The following ZNF385B variants were observed in gnomAD, a reference collection of about 807,000 sequenced individuals.
ZNF385B encodes the protein zinc finger protein 533.
A neutral mutation model predicts 39.2 loss-of-function variants in ZNF385B; 23 were observed. The ratio of observed to expected loss-of-function variants is 0.59; its 90% confidence interval spans 0.42 to 0.83. ZNF385B has a LOEUF of 0.83. Ranked by LOEUF, ZNF385B falls within the 40% of genes least tolerant of loss-of-function variation. The probability of loss-of-function intolerance (pLI) is 0.00; values close to 1 mark genes in which losing one functional copy is unlikely to be tolerated. For synonymous variants in ZNF385B, 205 were observed against 222.6 expected (o/e 0.92, Z 0.70); for missense variants, 552 against 598.9 (o/e 0.92, Z 0.82).
chr2:179,746,267 G>T (rs930087465), intron 3 of ZNF385B, among the ~76,000 whole-genome samples: 2 of 152,148 alleles, frequency 1.3e-5, no homozygotes, highest in Non-Finnish European at 2.9e-5. Flanking sequence ...CAATGAGCAG[G>T]ATACAGGGAA....
intron 1 of ZNF385B, among the ~76,000 whole-genome samples, chr2:179,836,814 G>T (rs1023864203): frequency 6.6e-6 from 1 of 152,120 alleles, no homozygotes; most frequent in East Asian, 1.9e-4. Context: ...CACCGCGCAC[G>T]GCCTTGTGTT....
intron 3 of ZNF385B, among the ~76,000 whole-genome samples, chr2:179,662,328 T>G (rs1694587057): frequency 6.6e-6 from 1 of 152,124 alleles, no homozygotes; most frequent in Non-Finnish European, 1.5e-5. Context: ...GAGGGGCTTT[T>G]TTAAACGTCT....
intron 6 of ZNF385B, among the ~76,000 whole-genome samples, chr2:179,463,352 C>A (rs2367625): frequency 8.1e-6 from 1 of 123,162 alleles, no homozygotes; most frequent in Non-Finnish European, 1.8e-5. Flanking sequence ...CTCTCTATTT[C>A]TTTTTTTTAT....
At chr2:179,527,047 A>G (rs2058953017) in intron 4 of ZNF385B, among the ~76,000 whole-genome samples, 1 of 152,238 alleles carries the variant, frequency 6.6e-6, no homozygotes, top group Admixed American at 6.5e-5. Context: ...ATTACATCTA[A>G]GTCCTGGATC....
chr2:179,594,083 G>T (rs958509289), intron 3 of ZNF385B, among the ~76,000 whole-genome samples: 1 of 152,114 alleles, frequency 6.6e-6, no homozygotes, highest in African/African-American at 2.4e-5. Context: ...AGCAAAATCA[G>T]TTACTAAGGG....
chr2:179,779,791 T>C (rs1704558513), intron 1 of ZNF385B, among the ~76,000 whole-genome samples: 1 of 152,184 alleles, frequency 6.6e-6, no homozygotes, highest in South Asian at 2.1e-4. Context: ...GTCTTGAAAG[T>C]ACCTGGGCAC....
At chr2:179,633,330 C>T (rs3112951) in intron 3 of ZNF385B, among the ~76,000 whole-genome samples, 58,213 of 151,950 alleles carry the variant, frequency 0.38, 11,329 homozygotes, top group African/African-American at 0.46. Context: ...CTGAATCCAG[C>T]AGCACATCAA....
chr2:179,688,090 C>T lies in ZNF385B; in HGVS notation c.298+81413G>A, dbSNP rs150905464. Among the ~76,000 whole-genome samples the T allele has an allele frequency of 3.7e-3, 561 of 152,258 alleles. 3 individuals carry two copies. Among genetic ancestry groups the T allele is most frequent in the African/African-American group, 0.013 (532 of 41,536 alleles). On this transcript the variant is annotated intron_variant, in intron 3 of 9. Coordinates refer to ENST00000410066, the MANE Select transcript of ZNF385B (RefSeq NM_152520.6). The stretch of plus-strand genomic sequence containing the variant: ...GCTCAGTTTCTGTCCCTTTTCTACC[C>T]TCAAGGAGGGTTTTGTTGCCTGGCA...
At chr2:179,525,615 A>G (rs576515844) in intron 4 of ZNF385B, among the ~76,000 whole-genome samples, 277 of 152,262 alleles carry the variant, frequency 1.8e-3, no homozygotes, top group African/African-American at 6.5e-3. Flanking sequence ...ATATTGTGGT[A>G]TTACAGTCTC....
intron 3 of ZNF385B, among the ~76,000 whole-genome samples, chr2:179,614,626 T>C (rs1689579356): frequency 6.6e-6 from 1 of 152,170 alleles, no homozygotes; most frequent in African/African-American, 2.4e-5. Flanking sequence ...CATTTAGAAT[T>C]TGGTTGCTGG....
intron 2 of ZNF385B, among the ~76,000 whole-genome samples, chr2:179,770,122 A>G (rs1027317361): frequency 5.3e-5 from 8 of 152,012 alleles, no homozygotes; most frequent in Admixed American, 3.9e-4. Flanking sequence ...CTGGCAAATT[A>G]CCTTCCTCAT....
chr2:179,754,768 G>C (rs533707521), intron 3 of ZNF385B, among the ~76,000 whole-genome samples: 1 of 151,962 alleles, frequency 6.6e-6, no homozygotes, highest in African/African-American at 2.4e-5. Flanking sequence ...CTTTGGGATC[G>C]GTGGTGATAT....
chr2:179,536,853 A>C (rs2059595739), intron 4 of ZNF385B, among the ~76,000 whole-genome samples: 1 of 152,208 alleles, frequency 6.6e-6, no homozygotes, highest in South Asian at 2.1e-4. Flanking sequence ...CAAACATACA[A>C]TAAATACATA....
chr2:179,634,412 A>C (rs7599259), intron 3 of ZNF385B, among the ~76,000 whole-genome samples: 97,863 of 152,048 alleles, frequency 0.64, 31,611 homozygotes, highest in Admixed American at 0.72. Context: ...AGACACTTCT[A>C]AAAAGAAGAC....
At chr2:179,596,289 T>C (rs1426354667) in intron 3 of ZNF385B, among the ~76,000 whole-genome samples, 1 of 152,194 alleles carries the variant, frequency 6.6e-6, no homozygotes, top group African/African-American at 2.4e-5. Flanking sequence ...GCTGAGTCAT[T>C]CATCTTTTTT....
At chr2:179,633,668 C>A (rs573100138) in intron 3 of ZNF385B, among the ~76,000 whole-genome samples, 1 of 152,346 alleles carries the variant, frequency 6.6e-6, no homozygotes, top group South Asian at 2.1e-4. Flanking sequence ...CCTCTCACCA[C>A]TCCTATTCAA....
At chr2:179,851,275 A>G (rs1171440763) in intron 1 of ZNF385B, among the ~76,000 whole-genome samples, 1 of 152,198 alleles carries the variant, frequency 6.6e-6, no homozygotes, top group Non-Finnish European at 1.5e-5. Context: ...ACGCGGCAAG[A>G]CATCACCAGT....
At chr2:179,827,600 T>C (rs1241656962) in intron 1 of ZNF385B, among the ~76,000 whole-genome samples, 1 of 152,142 alleles carries the variant, frequency 6.6e-6, no homozygotes, top group African/African-American at 2.4e-5. Context: ...CTTTAAAAAA[T>C]AAACCTCACA....
intron 3 of ZNF385B, among the ~76,000 whole-genome samples, chr2:179,706,840 C>T (rs1699638123): frequency 6.6e-6 from 1 of 152,168 alleles, no homozygotes; most frequent in Non-Finnish European, 1.5e-5. Context: ...TTAGCTCAGG[C>T]TGAAACATCA....
Sources: allele counts gnomAD v4.1 joint callset (sites outside exome capture counted in the v4.1 genomes callset), GRCh38; gene constraint gnomAD v4.1.1; transcripts MANE v1.5; gene names NCBI Gene and HGNC (gene_info 2026-07-23, HGNC 2026-07-21).